The following CAPZB variants were observed in gnomAD, a reference collection of about 807,000 sequenced individuals.
CAPZB encodes the protein F-actin-capping protein subunit beta.
In CAPZB, 2 loss-of-function variants were observed where a neutral mutation model predicts 38.1. The ratio of observed to expected loss-of-function variants is 0.05; its 90% CI spans 0.02 to 0.17. CAPZB has a LOEUF of 0.17. Among genes scored for constraint, CAPZB ranks in the 10% least tolerant of loss-of-function variants. The probability of loss-of-function intolerance (pLI) is 1.00; values close to 1 mark genes in which losing one functional copy is unlikely to be tolerated. For missense variants in CAPZB, 161 were observed against 334.2 expected (o/e 0.48, Z 4.04); for synonymous variants, 107 against 127.4 (o/e 0.84, Z 1.08).
chr1:19,484,429 TG>T (rs2094643283), intron 1 of CAPZB: 1 of 1,514,992 alleles, frequency 6.6e-7, no homozygotes, highest in Non-Finnish European at 8.8e-7. Context: ...GACCCCGGCC[TG>T]CCCTGCAGAA....
intron 2 of CAPZB, among the ~76,000 whole-genome samples, chr1:19,418,607 C>T (rs1305301151): frequency 1.3e-5 from 2 of 152,214 alleles, no homozygotes; most frequent in Non-Finnish European, 2.9e-5. Context: ...CCAACTCCCT[C>T]CACAGGCTCC....
chr1:19,412,445 T>C (rs1246878699), intron 2 of CAPZB, among the ~76,000 whole-genome samples: 1 of 152,168 alleles, frequency 6.6e-6, no homozygotes, highest in African/African-American at 2.4e-5. Flanking sequence ...GGAATACAAT[T>C]TATTTTTTAA....
intron 8 of CAPZB, among the ~76,000 whole-genome samples, chr1:19,342,387 TG>T (rs573025387): frequency 6.6e-6 from 1 of 152,122 alleles, no homozygotes; most frequent in African/African-American, 2.4e-5. Flanking sequence ...CTCTGAAGCA[TG>T]GGGGGGTGGA....
intron 2 of CAPZB, among the ~76,000 whole-genome samples, chr1:19,391,880 C>T (rs1203665627): frequency 1.3e-5 from 2 of 152,188 alleles, no homozygotes; most frequent in Non-Finnish European, 2.9e-5. Flanking sequence ...GCCACAGAGG[C>T]ATCTCCAAGA....
chr1:19,473,206 C>A (rs912017877), intron 1 of CAPZB, among the ~76,000 whole-genome samples: 1 of 152,130 alleles, frequency 6.6e-6, no homozygotes, highest in South Asian at 2.1e-4. Context: ...AGGGTGCCTG[C>A]GAGGGACAAG....
chr1:19,471,865 C>CAA (rs59289947), intron 1 of CAPZB, among the ~76,000 whole-genome samples: 10 of 134,478 alleles, frequency 7.4e-5, no homozygotes, highest in African/African-American at 3.0e-4. Flanking sequence ...GACTCCGTCT[C>CAA]AAAAAAAAAA....
At chr1:19,421,806 T>C (rs1278868939) in intron 1 of CAPZB, among the ~76,000 whole-genome samples, 1 of 152,238 alleles carries the variant, frequency 6.6e-6, no homozygotes. Flanking sequence ...GTATCTTCCT[T>C]AGAGAGTGAC....
At chr1:19,385,977 G>A (rs768817197) in intron 2 of CAPZB, among the ~76,000 whole-genome samples, 34 of 152,158 alleles carry the variant, frequency 2.2e-4, no homozygotes, top group Non-Finnish European at 3.8e-4. Context: ...CTGAAGTCCC[G>A]AGAAGAAGGT....
chr1:19,400,973 G>A (rs1037327536), intron 2 of CAPZB, among the ~76,000 whole-genome samples: 2 of 152,048 alleles, frequency 1.3e-5, no homozygotes, highest in African/African-American at 4.8e-5. Flanking sequence ...TGAACAGGAG[G>A]GAAAAGCTCT....
intron 3 of CAPZB, among the ~76,000 whole-genome samples, chr1:19,382,419 G>GT (rs2094180588): frequency 6.6e-6 from 1 of 152,086 alleles, no homozygotes; most frequent in Non-Finnish European, 1.5e-5. Context: ...AAGGCTTTTT[G>GT]TTTCAGCTAA....
intron 4 of CAPZB, among the ~76,000 whole-genome samples, chr1:19,367,401 A>T (rs940271452): frequency 6.6e-6 from 1 of 152,212 alleles, no homozygotes; most frequent in Non-Finnish European, 1.5e-5. Context: ...GGCAACCTCG[A>T]CGTGTTGTGA....
At chr1:19,342,136 G>A (rs139260332) in intron 8 of CAPZB, among the ~76,000 whole-genome samples, 1,719 of 152,344 alleles carry the variant, frequency 0.011, 11 homozygotes, top group Non-Finnish European at 0.015. Flanking sequence ...AGCTCGTTAG[G>A]GGCGGAAGGT....
chr1:19,381,191 G>T (rs1463644765), intron 3 of CAPZB, among the ~76,000 whole-genome samples: 7 of 151,866 alleles, frequency 4.6e-5, no homozygotes, highest in Non-Finnish European at 8.8e-5. Flanking sequence ...AAAAAAAAAT[G>T]AATGAATTCT....
chr1:19,426,660 C>A lies in CAPZB; in HGVS notation c.4-6910G>T, dbSNP rs369529175. On this transcript the variant is annotated intron_variant, in intron 1 of 8. Transcript: ENST00000264202. ...CTGAGACTCCATGGACAGAGGGAGG[C>A]CCACTGAGCCCCCAGGTGCTCCAGG... is the stretch of plus-strand genomic sequence containing the variant. Among the ~76,000 whole-genome samples, 10 of 152,170 alleles carry A rather than the reference C, an allele frequency of 6.6e-5. No individual in the cohort carries two copies. In the East Asian group the frequency reaches 1.3e-3, roughly 21 times the overall value.
chr1:19,429,521 T>C (rs952344383), intron 1 of CAPZB, among the ~76,000 whole-genome samples: 1 of 152,180 alleles, frequency 6.6e-6, no homozygotes, highest in Non-Finnish European at 1.5e-5. Context: ...CAGTCTTCTT[T>C]AAAACCTGGG....
chr1:19,467,134 C>T (rs1448269092), intron 1 of CAPZB, among the ~76,000 whole-genome samples: 1 of 152,160 alleles, frequency 6.6e-6, no homozygotes, highest in Non-Finnish European at 1.5e-5. Context: ...GTGATCCTCC[C>T]ACCTTGGCCT....
chr1:19,342,272 G>A (rs1345775424), intron 8 of CAPZB, among the ~76,000 whole-genome samples: 1 of 152,234 alleles, frequency 6.6e-6, no homozygotes, highest in Non-Finnish European at 1.5e-5. Context: ...ATCAGAGAGT[G>A]AGGTCACCCC....
chr1:19,412,151 T>C (rs952496189), intron 2 of CAPZB, among the ~76,000 whole-genome samples: 3 of 152,330 alleles, frequency 2.0e-5, no homozygotes, highest in East Asian at 1.9e-4. Flanking sequence ...ACGGGAACTA[T>C]AGCAGTGTTG....
intron 1 of CAPZB, among the ~76,000 whole-genome samples, chr1:19,439,060 T>C (rs911576741): frequency 1.3e-5 from 2 of 152,214 alleles, no homozygotes; most frequent in Non-Finnish European, 2.9e-5. Flanking sequence ...GCTCCACCCA[T>C]GGCTACAAGC....
Sources: gnomAD v4.1 joint callset for allele counts (sites outside exome capture counted in the v4.1 genomes callset) on GRCh38, gnomAD v4.1.1 for gene constraint, MANE v1.5 for transcripts, NCBI Gene and HGNC (gene_info 2026-07-23, HGNC 2026-07-21) for gene names.